CLSTN2: variants seen among roughly 807,000 people sequenced by gnomAD.
CLSTN2 encodes the protein calsyntenin 2.
A neutral mutation model predicts 101.2 loss-of-function variants in CLSTN2; 48 were observed. That is an observed-to-expected ratio of 0.47 (90% CI 0.38 to 0.60). The LOEUF (loss-of-function observed/expected upper bound fraction) is 0.60. Among genes scored for constraint, CLSTN2 ranks in the 20% least tolerant of loss-of-function variants. The pLI is 0.00. For missense variants in CLSTN2, 1,160 were observed against 1,238.2 expected (o/e 0.94, Z 0.95); for synonymous variants, 481 against 463.6 (o/e 1.04, Z -0.48).
intron 2 of CLSTN2, among the ~76,000 whole-genome samples, chr3:140,288,224 C>G (rs534093540): frequency 2.0e-5 from 3 of 151,722 alleles, no homozygotes; most frequent in Admixed American, 1.3e-4. Context: ...TTTTATATAT[C>G]ATAAATATAA....
chr3:140,270,031 T>C (rs1264190029), intron 2 of CLSTN2, among the ~76,000 whole-genome samples: 2 of 152,184 alleles, frequency 1.3e-5, no homozygotes, highest in African/African-American at 4.8e-5. Flanking sequence ...GCTCCCATCT[T>C]TAAAGACAGG....
chr3:140,059,697 C>T (rs905888352), intron 1 of CLSTN2, among the ~76,000 whole-genome samples: 4 of 152,140 alleles, frequency 2.6e-5, no homozygotes, highest in African/African-American at 7.2e-5. Context: ...TTAAGACACC[C>T]ACTTGGAAGC....
At chr3:139,960,789 C>T (rs1478940741) in intron 1 of CLSTN2, among the ~76,000 whole-genome samples, 1 of 152,162 alleles carries the variant, frequency 6.6e-6, no homozygotes, top group Non-Finnish European at 1.5e-5. Flanking sequence ...GGCTGGGAGA[C>T]TCTTGAGATA....
chr3:139,947,588 G>T (rs1935233594), intron 1 of CLSTN2, among the ~76,000 whole-genome samples: 1 of 152,172 alleles, frequency 6.6e-6, no homozygotes, highest in African/African-American at 2.4e-5. Flanking sequence ...GAGTAGGAAA[G>T]AAAGCTAAAA....
intron 1 of CLSTN2, among the ~76,000 whole-genome samples, chr3:140,132,255 A>G (rs1481620123): frequency 6.6e-6 from 1 of 152,214 alleles, no homozygotes; most frequent in Non-Finnish European, 1.5e-5. Flanking sequence ...TACTGATAGC[A>G]CTTAAATAAT....
chr3:140,371,575 G>A (rs1412760495), intron 2 of CLSTN2, among the ~76,000 whole-genome samples: 4 of 152,136 alleles, frequency 2.6e-5, no homozygotes, highest in Admixed American at 2.6e-4. Flanking sequence ...TTGGGTCTCA[G>A]TCCACACTCA....
intron 2 of CLSTN2, among the ~76,000 whole-genome samples, chr3:140,262,456 C>A (rs879924987): frequency 6.7e-6 from 1 of 148,830 alleles, no homozygotes; most frequent in Non-Finnish European, 1.5e-5. Context: ...TAAAGATGTT[C>A]GAAATGAAAT....
chr3:140,130,889 C>G (rs2009511989), intron 1 of CLSTN2, among the ~76,000 whole-genome samples: 1 of 152,180 alleles, frequency 6.6e-6, no homozygotes, highest in Non-Finnish European at 1.5e-5. Context: ...GGCTTCAGCA[C>G]TGACAACCCT....
At chr3:140,078,970 G>A (rs1272186121) in intron 1 of CLSTN2, among the ~76,000 whole-genome samples, 1 of 152,206 alleles carries the variant, frequency 6.6e-6, no homozygotes, top group Non-Finnish European at 1.5e-5. Flanking sequence ...GGATACCATG[G>A]AAATGCTGGG....
At chr3:139,987,987 A>G (rs77692670) in intron 1 of CLSTN2, among the ~76,000 whole-genome samples, 4,551 of 152,322 alleles carry the variant, frequency 0.03, 77 homozygotes, top group Middle Eastern at 0.085. Flanking sequence ...AATTCTCAGA[A>G]ACAGAGAATG....
Position 140,482,222 on chromosome 3 carries a change from G to T in CLSTN2, c.1344+15491G>T, listed in dbSNP as rs563974828. Among the ~76,000 whole-genome samples, 8 of 152,210 alleles carry T rather than the reference G, an allele frequency of 5.3e-5. No individual in the cohort carries two copies. The East Asian group carries it at 1.5e-3, about 29-fold the overall frequency. ...TTGAGATAATCATGTGGTTTTTGTT[G>T]TTGGTTTTGTTTATATGCTGGATTA... On this transcript the variant is annotated intron_variant, in intron 8 of 16. Coordinates refer to ENST00000458420, the MANE Select transcript of CLSTN2 (RefSeq NM_022131.3).
At chr3:140,186,816 C>T (rs1218715881) in intron 2 of CLSTN2, among the ~76,000 whole-genome samples, 1 of 151,896 alleles carries the variant, frequency 6.6e-6, no homozygotes, top group Non-Finnish European at 1.5e-5. Context: ...CATTGAAATA[C>T]AATTTGTGTA....
At chr3:140,093,174 G>C (rs1012080793) in intron 1 of CLSTN2, among the ~76,000 whole-genome samples, 8 of 152,154 alleles carry the variant, frequency 5.3e-5, no homozygotes, top group Admixed American at 4.6e-4. Context: ...GGCTTCCTTG[G>C]GTGCGGTGGG....
chr3:140,526,184 ACT>A (rs924930486), intron 8 of CLSTN2, among the ~76,000 whole-genome samples: 5 of 152,004 alleles, frequency 3.3e-5, no homozygotes, highest in Admixed American at 1.3e-4. Flanking sequence ...AACCCTAAAG[ACT>A]CTGCCAAAAG....
chr3:140,562,272 G>T lies in CLSTN2; in HGVS notation c.2176G>T (p.Asp726Tyr), dbSNP rs1314089773. 1 of 1,613,900 alleles carries T rather than the reference G, an allele frequency of 6.2e-7. No individual in the cohort carries two copies. Among genetic ancestry groups the T allele is most frequent in the South Asian group, 1.1e-5 (1 of 91,062 alleles). Residue 726 changes from aspartate (D) to tyrosine (Y), a missense_variant, in exon 13 of 17, where the codon GAT becomes TAT. By Grantham distance (160) the Asp-to-Tyr change is radical. Coordinates refer to ENST00000458420, the MANE Select transcript of CLSTN2 (RefSeq NM_022131.3). The part of the protein sequence containing the change: ...NHSELHQRHL[D>Y]ATNSTAGYSI... ...CAGTGAGCTCCACCAACGACACCTG[G>T]ATGCCACTAATTCTACTGCAGGCTA...
In CLSTN2 at chr3:140,427,184, AAT is replaced by A. The variant is rs1177459069; in HGVS notation, c.787+5929_787+5930del. Among the ~76,000 whole-genome samples, 128 of 94,132 alleles carry A rather than the reference AAT, an allele frequency of 1.4e-3. 4 individuals carry two copies. Among genetic ancestry groups the A allele is most frequent in the African/African-American group, 6.5e-3 (80 of 12,398 alleles). The allele number at this position is 94,132 out of a possible 152,430, so 61.8% of individuals were successfully genotyped here. ...GAGTGAGACTGTCTCAAAAAAAAAA[AAT>A]ATATATATATATATATATGTGTATA... On this transcript the variant is annotated intron_variant, in intron 5 of 16. Transcript: ENST00000458420.
At chr3:140,362,987 C>G (rs963944099) in intron 2 of CLSTN2, among the ~76,000 whole-genome samples, 1 of 151,972 alleles carries the variant, frequency 6.6e-6, no homozygotes, top group East Asian at 1.9e-4. Flanking sequence ...TGGGCATCAT[C>G]TAAGGATATG....
intron 1 of CLSTN2, among the ~76,000 whole-genome samples, chr3:140,161,829 T>G (rs2010051970): frequency 6.6e-6 from 1 of 152,202 alleles, no homozygotes; most frequent in Non-Finnish European, 1.5e-5. Context: ...TTAGCATTCT[T>G]AAATGTTAAC....
At chr3:140,035,415 C>T (rs1451900392) in intron 1 of CLSTN2, among the ~76,000 whole-genome samples, 1 of 152,234 alleles carries the variant, frequency 6.6e-6, no homozygotes, top group African/African-American at 2.4e-5. Flanking sequence ...CCTTCACATC[C>T]TGTCCCTTTG....
Sources: allele counts gnomAD v4.1 joint callset (sites outside exome capture counted in the v4.1 genomes callset), GRCh38; gene constraint gnomAD v4.1.1; transcripts MANE v1.5; gene names NCBI Gene and HGNC (gene_info 2026-07-23, HGNC 2026-07-21).